The following STAC variants were observed in gnomAD, a reference collection of about 807,000 sequenced individuals.
The protein encoded by STAC is SH3 and cysteine rich domain.
In STAC, 43 loss-of-function variants were observed where a neutral mutation model predicts 48.8. That is an observed-to-expected ratio of 0.88 (90% CI 0.69 to 1.14). The LOEUF is 1.14. STAC is among the 50% of genes most tolerant of loss of function. The probability of loss-of-function intolerance (pLI) is 0.00; values close to 1 mark genes in which losing one functional copy is unlikely to be tolerated. For synonymous variants in STAC, 193 were observed against 179.5 expected (o/e 1.07, Z -0.60); for missense variants, 497 against 504.0 (o/e 0.99, Z 0.13).
At chr3:36,499,746 AT>A (rs531353533) in intron 6 of STAC, among the ~76,000 whole-genome samples, 284 of 152,074 alleles carry the variant, frequency 1.9e-3, no homozygotes, top group African/African-American at 6.5e-3. Flanking sequence ...GATGTAGAAA[AT>A]TTAAAAAAAC....
At chr3:36,502,396 T>C (rs1698301833) in intron 6 of STAC, among the ~76,000 whole-genome samples, 1 of 152,208 alleles carries the variant, frequency 6.6e-6, no homozygotes, top group African/African-American at 2.4e-5. Context: ...AAAATTATTT[T>C]TGCAACCTTC....
intron 8 of STAC, among the ~76,000 whole-genome samples, chr3:36,507,106 G>C (rs1359958412): frequency 6.6e-6 from 1 of 152,026 alleles, no homozygotes; most frequent in East Asian, 1.9e-4. Flanking sequence ...TCAATACTTA[G>C]TTTATGAGAG....
intron 2 of STAC, among the ~76,000 whole-genome samples, chr3:36,470,810 G>T (rs530121590): frequency 6.6e-6 from 1 of 152,334 alleles, no homozygotes; most frequent in Admixed American, 6.5e-5. Flanking sequence ...AAAAATGACT[G>T]CCAATGATTT....
Position 36,413,138 on chromosome 3 carries a change from G to A in STAC, c.112-30226G>A, listed in dbSNP as rs142174087. Among the ~76,000 whole-genome samples the A allele has an allele frequency of 4.0e-3, 602 of 152,270 alleles. 4 individuals carry two copies. The highest frequency in any genetic ancestry group is 0.013 in the African/African-American group (553 of 41,548). ...AATAGGTGCAGTGTGGTGCTGAGAC[G>A]AATGTATATTCTGTTGATTTGGGGT... On this transcript the variant is annotated intron_variant, in intron 1 of 10. Transcript: ENST00000273183.
intron 8 of STAC, among the ~76,000 whole-genome samples, chr3:36,527,160 A>C (rs541332554): frequency 6.6e-6 from 1 of 152,338 alleles, no homozygotes; most frequent in East Asian, 1.9e-4. Context: ...AAAAAGAGAT[A>C]ACCAAGAAAC....
At chr3:36,383,542 G>T (rs1279363632) in intron 1 of STAC, among the ~76,000 whole-genome samples, 1 of 152,024 alleles carries the variant, frequency 6.6e-6, no homozygotes, top group East Asian at 1.9e-4. Context: ...ATGCTATCAG[G>T]TTACATCTCT....
intron 1 of STAC, among the ~76,000 whole-genome samples, chr3:36,428,965 C>T (rs1700628097): frequency 1.3e-5 from 2 of 152,110 alleles, no homozygotes; most frequent in South Asian, 4.1e-4. Context: ...TTAATATATT[C>T]AGTTAGGGAG....
chr3:36,522,617 A>G (rs1698832901), intron 8 of STAC, among the ~76,000 whole-genome samples: 3 of 152,192 alleles, frequency 2.0e-5, no homozygotes, highest in Admixed American at 6.5e-5. Context: ...TGGAGGAGTG[A>G]GACAAGACTC....
chr3:36,468,907 C>T (rs1413858993), intron 2 of STAC, among the ~76,000 whole-genome samples: 1 of 151,828 alleles, frequency 6.6e-6, no homozygotes, highest in Non-Finnish European at 1.5e-5. Flanking sequence ...AGAATAGCTA[C>T]TCTTGCTCAC....
chr3:36,538,158 CCTAA>C (rs1477946948), intron 10 of STAC, among the ~76,000 whole-genome samples: 2 of 152,016 alleles, frequency 1.3e-5, no homozygotes, highest in Non-Finnish European at 2.9e-5. Context: ...TCTTTAGTTT[CCTAA>C]CATTTAAAAA....
intron 10 of STAC, among the ~76,000 whole-genome samples, chr3:36,543,414 G>T (rs570898199): frequency 6.6e-6 from 1 of 152,154 alleles, no homozygotes; most frequent in Non-Finnish European, 1.5e-5. Context: ...CTTCTCATCC[G>T]TAAAAAGGTC....
chr3:36,524,028 G>T (rs1008411778), intron 8 of STAC, among the ~76,000 whole-genome samples: 1 of 152,172 alleles, frequency 6.6e-6, no homozygotes, highest in Admixed American at 6.6e-5. Context: ...GATTATGTAT[G>T]GCAGGCTGTG....
intron 2 of STAC, among the ~76,000 whole-genome samples, chr3:36,470,733 G>C (rs748742440): frequency 1.3e-5 from 2 of 152,232 alleles, no homozygotes; most frequent in Non-Finnish European, 2.9e-5. Context: ...GTCTCCCCAA[G>C]TGGGATCTGC....
chr3:36,546,220 T>C lies in STAC; in HGVS notation c.1140T>C (p.Asp380=), dbSNP rs748846209. The C allele has an allele frequency of 3.7e-6, 6 of 1,613,986 alleles. No individual in the cohort carries two copies. In the East Asian group the frequency reaches 6.7e-5, roughly 18 times the overall value. ...QICVSSEEEQ[D]GFIRVLSGKK... ...GCGTGAGTTCTGAAGAAGAACAAGA[T>C]GGTTTTATCAGAGTCCTCAGTGGAA... Residue 380 remains aspartate (D), a synonymous_variant, in exon 11 of 11, where the codon GAT becomes GAC. Transcript: ENST00000273183.
intron 1 of STAC, among the ~76,000 whole-genome samples, chr3:36,390,056 G>C (rs1699717737): frequency 6.6e-6 from 1 of 152,148 alleles, no homozygotes; most frequent in Admixed American, 6.6e-5. Flanking sequence ...GAGATACCAG[G>C]CTGGCACATG....
intron 6 of STAC, among the ~76,000 whole-genome samples, chr3:36,499,513 A>AAATC (rs1293953772): frequency 1.3e-5 from 2 of 152,164 alleles, no homozygotes; most frequent in Non-Finnish European, 1.5e-5. Flanking sequence ...AAGGAGAAAA[A>AAATC]AATCAATCAA....
At chr3:36,423,432 A>C (rs1015608925) in intron 1 of STAC, among the ~76,000 whole-genome samples, 5 of 151,430 alleles carry the variant, frequency 3.3e-5, no homozygotes, top group African/African-American at 9.7e-5. Flanking sequence ...GAAATAAATT[A>C]AATCTCCCGT....
chr3:36,393,330 A>G (rs890693593), intron 1 of STAC, among the ~76,000 whole-genome samples: 3 of 152,136 alleles, frequency 2.0e-5, no homozygotes, highest in Non-Finnish European at 4.4e-5. Context: ...TAGAAAATTC[A>G]ATCTACCTAA....
chr3:36,502,065 A>G lies in STAC; in HGVS notation c.767-2328A>G, dbSNP rs184347280. Among the ~76,000 whole-genome samples the G allele has an allele frequency of 8.3e-3, 1,263 of 152,240 alleles. 17 individuals carry two copies. Among genetic ancestry groups the G allele is most frequent in the African/African-American group, 0.028 (1,181 of 41,520 alleles). On this transcript the variant is annotated intron_variant, in intron 6 of 10. Coordinates refer to ENST00000273183, the MANE Select transcript of STAC (RefSeq NM_003149.3). ...AGGTTAAAAAAATAATAATCTAACT[A>G]AAAAACACAGTGGTCTTGGGCCTCA...
Sources: allele counts gnomAD v4.1 joint callset (sites outside exome capture counted in the v4.1 genomes callset), GRCh38; gene constraint gnomAD v4.1.1; transcripts MANE v1.5; gene names NCBI Gene and HGNC (gene_info 2026-07-23, HGNC 2026-07-21).